The following SLC6A2 variants were observed in gnomAD, a reference collection of about 807,000 sequenced individuals.
The protein encoded by SLC6A2 is solute carrier family 6 member 2.
A neutral mutation model predicts 71.7 loss-of-function variants in SLC6A2; 26 were observed. That is an observed-to-expected ratio of 0.36 (90% CI 0.27 to 0.50). The LOEUF (loss-of-function observed/expected upper bound fraction) is 0.50. Ranked by LOEUF, SLC6A2 falls within the 20% of genes least tolerant of loss-of-function variation. SLC6A2 has a pLI of 0.96. For synonymous variants in SLC6A2, 363 were observed against 337.9 expected (o/e 1.07, Z -0.82); for missense variants, 581 against 803.9 (o/e 0.72, Z 3.35).
At chr16:55,685,026 G>A in intron 4 of SLC6A2, 117 bp from the exon 5 acceptor site, 3 of 989,908 alleles carry the variant, frequency 3.0e-6, no homozygotes, top group Non-Finnish European at 4.7e-6. Flanking sequence ...AGTTAGGGGA[G>A]AGTGGCCAGG....
At chr16:55,671,694 TCTAA>T (rs1964920867) in intron 3 of SLC6A2, 2 of 717,640 alleles carry the variant, frequency 2.8e-6, no homozygotes, top group Non-Finnish European at 4.5e-6. Context: ...CTTATGAGAA[TCTAA>T]CTAACGCCTG....
At chr16:55,678,365 C>T (rs1211199806) in intron 4 of SLC6A2, among the ~76,000 whole-genome samples, 1 of 151,804 alleles carries the variant, frequency 6.6e-6, no homozygotes, top group Admixed American at 6.6e-5. Flanking sequence ...GCTTGAAAAA[C>T]ATCCCCTCAA....
chr16:55,691,829 G>C (rs1965638865), intron 5 of SLC6A2, 89 bp from the exon 6 acceptor site: 13 of 1,452,194 alleles, frequency 9.0e-6, no homozygotes, highest in South Asian at 3.5e-5. Flanking sequence ...AGCATGACTG[G>C]CTCCCTGGGA....
intron 12 of SLC6A2, 86 bp from the exon 13 acceptor site, chr16:55,700,053 A>T: frequency 8.7e-7 from 1 of 1,152,410 alleles, no homozygotes. Flanking sequence ...TTTCTCTCCC[A>T]CCTTTCTTCC....
chr16:55,672,086 T>C lies in SLC6A2; in HGVS notation c.555T>C (p.Cys185=). The change falls in exon 4 of 15, where the codon TGT becomes TGC. Residue 185 remains cysteine, a synonymous_variant. Transcript: ENST00000568943. ...DCGHTWNSPN[C]TDPKLLNGSV... ...GCCACACCTGGAACAGCCCCAACTG[T>C]ACCGACCCCAAGCTCCTCAATGGCT... 1 of 1,614,176 alleles carries C rather than the reference T, an allele frequency of 6.2e-7. No homozygotes were observed. Among genetic ancestry groups the C allele is most frequent in the Non-Finnish European group, 8.5e-7 (1 of 1,180,036 alleles).
At chr16:55,702,284 C>T (rs1567460788) in intron 14 of SLC6A2, 39 bp from the exon 15 acceptor site, 1 of 1,610,072 alleles carries the variant, frequency 6.2e-7, no homozygotes. Context: ...CCTTTCTGTC[C>T]CCACCATGTC....
At chr16:55,666,622 A>T (rs1359470231) in intron 2 of SLC6A2, among the ~76,000 whole-genome samples, 1 of 152,064 alleles carries the variant, frequency 6.6e-6, no homozygotes, top group African/African-American at 2.4e-5. Flanking sequence ...CATCAAATGC[A>T]CTCACAGAGA....
At chr16:55,679,191 G>C (rs1451369779) in intron 4 of SLC6A2, among the ~76,000 whole-genome samples, 1 of 151,780 alleles carries the variant, frequency 6.6e-6, no homozygotes, top group African/African-American at 2.4e-5. Context: ...TTAAGCATCA[G>C]ATAGGGTCAG....
intron 6 of SLC6A2, 60 bp from the exon 7 acceptor site, chr16:55,693,950 A>G: frequency 9.1e-7 from 1 of 1,094,108 alleles, no homozygotes; most frequent in East Asian, 2.4e-5. Flanking sequence ...CTTCCGGACC[A>G]GTGAGGTGTT....
Position 55,699,590 on chromosome 16 carries a change from T to A in SLC6A2, c.1526T>A (p.Met509Lys). Residue 509 changes from methionine to lysine, a missense_variant, in exon 12 of 15, where the codon ATG becomes AAG. Coordinates refer to ENST00000568943, the MANE Select transcript of SLC6A2 (RefSeq NM_001172501.3). ...DRFSNDIQQM[M>K]GFRPGLYWRL... ...TTCAGCAACGACATCCAGCAGATGATGGGGTTCAGGCCGGGTCTATACTGG... is the reference window on the plus strand; with the variant it reads ...TTCAGCAACGACATCCAGCAGATGAAGGGGTTCAGGCCGGGTCTATACTGG... The A allele has an allele frequency of 6.2e-7, 1 of 1,614,146 alleles. No homozygotes were observed. The highest frequency in any genetic ancestry group is 8.5e-7 in the Non-Finnish European group (1 of 1,180,000).
At chr16:55,669,014 T>C (rs1964829693) in intron 2 of SLC6A2, among the ~76,000 whole-genome samples, 1 of 152,206 alleles carries the variant, frequency 6.6e-6, no homozygotes, top group African/African-American at 2.4e-5. Flanking sequence ...TGTGAAACTC[T>C]AAGAAGAATC....
rs762458339 is a variant in SLC6A2 at position 55,672,163 on chromosome 16, C to A, written c.632C>A (p.Ala211Asp). 6.2e-7 allele frequency: 1 copy of A among 1,614,184 alleles called. No homozygotes were observed. The highest frequency in any genetic ancestry group is 8.5e-7 in the Non-Finnish European group (1 of 1,180,030). The stretch of plus-strand genomic sequence containing the variant: ...TCCAAGTACAAGTTCACGCCGGCAG[C>A]CGAGTTTTATGAGTAAGTCACAGAC... ...KYSKYKFTPA[A>D]EFYERGVLHL... The change falls in exon 4 of 15, where the codon GCC (alanine) becomes GAC (aspartate). Residue 211 changes from alanine (A) to aspartate (D), a missense_variant. Physicochemically the swap from Ala to Asp is moderately radical, Grantham distance 126. This residue lies in a region of SLC6A2 where 87 missense variants were observed against 99.5 expected (regional missense o/e 0.87). Coordinates refer to ENST00000568943, the MANE Select transcript of SLC6A2 (RefSeq NM_001172501.3).
Position 55,685,228 on chromosome 16 carries a change from G to T in SLC6A2, c.730G>T (p.Val244Phe). Residue 244 changes from valine (V) to phenylalanine (F), a missense_variant, in exon 5 of 15, where the codon GTC (valine) becomes TTC (phenylalanine). This residue lies in a region of SLC6A2 where 87 missense variants were observed against 99.5 expected (regional missense o/e 0.87). Coordinates refer to ENST00000568943, the MANE Select transcript of SLC6A2 (RefSeq NM_001172501.3). ...QWQLLLCLMV[V>F]VIVLYFSLWK... ...GCAGCTCTTGCTCTGTCTGATGGTCGTCGTCATCGTCTTGTATTTTAGCCT... is the reference window on the plus strand; with the variant it reads ...GCAGCTCTTGCTCTGTCTGATGGTCTTCGTCATCGTCTTGTATTTTAGCCT... 6.2e-7 allele frequency: 1 copy of T among 1,613,998 alleles called. No homozygotes were observed. Among genetic ancestry groups the T allele is most frequent in the South Asian group, 1.1e-5 (1 of 91,078 alleles).
chr16:55,660,768 C>T (rs530989928), intron 2 of SLC6A2, among the ~76,000 whole-genome samples: 1 of 152,296 alleles, frequency 6.6e-6, no homozygotes, highest in East Asian at 1.9e-4. Context: ...ACACTGAAGC[C>T]AGGACTCACC....
At chr16:55,676,603 A>C (rs1159034643) in intron 4 of SLC6A2, among the ~76,000 whole-genome samples, 2 of 152,168 alleles carry the variant, frequency 1.3e-5, no homozygotes, top group Non-Finnish European at 2.9e-5. Context: ...ATGCACCCTT[A>C]ACCTCTGTGT....
intron 4 of SLC6A2, among the ~76,000 whole-genome samples, chr16:55,674,398 G>A (rs1407385362): frequency 2.0e-5 from 3 of 151,858 alleles, no homozygotes; most frequent in African/African-American, 7.3e-5. Context: ...ATTATTCCAT[G>A]GTATATATGT....
At chr16:55,701,820 C>T (rs370648927) in intron 13 of SLC6A2, 43 bp from the exon 14 acceptor site, 2 of 1,511,846 alleles carry the variant, frequency 1.3e-6, no homozygotes, top group Non-Finnish European at 1.8e-6. Flanking sequence ...AGAAGGGTGT[C>T]CCTGGGCCAA....
chr16:55,695,833 C>T (rs1360713379), intron 8 of SLC6A2, among the ~76,000 whole-genome samples: 1 of 152,214 alleles, frequency 6.6e-6, no homozygotes, highest in Non-Finnish European at 1.5e-5. Flanking sequence ...ATCAATCCAG[C>T]TCTGGAGCTT....
chr16:55,682,588 G>A (rs774775094), intron 4 of SLC6A2, among the ~76,000 whole-genome samples: 6 of 152,184 alleles, frequency 3.9e-5, no homozygotes, highest in Non-Finnish European at 8.8e-5. Flanking sequence ...ACCAGGAATG[G>A]TTAATTCACC....
Sources: gnomAD v4.1 joint callset for allele counts (sites outside exome capture counted in the v4.1 genomes callset) on GRCh38, gnomAD v4.1.1 for gene constraint, gnomAD v4.1.1 regional missense constraint, MANE v1.5 for transcripts, NCBI Gene and HGNC (gene_info 2026-07-23, HGNC 2026-07-21) for gene names.